The following PRDM16 variants were observed in gnomAD, a reference collection of about 807,000 sequenced individuals.
The protein encoded by PRDM16 is histone-lysine N-methyltransferase PRDM16.
A neutral mutation model predicts 110.6 loss-of-function variants in PRDM16; 23 were observed. The observed-to-expected ratio is 0.21, with a 90% confidence interval of 0.15 to 0.29. The LOEUF (loss-of-function observed/expected upper bound fraction) is 0.29. Ranked by LOEUF, PRDM16 falls within the 10% of genes least tolerant of loss-of-function variation. The pLI is 1.00. For synonymous variants in PRDM16, 799 were observed against 781.8 expected (o/e 1.02, Z -0.37); for missense variants, 1,615 against 1,794.3 (o/e 0.90, Z 1.81).
At chr1:3,317,710 C>T (rs534072963) in intron 3 of PRDM16, among the ~76,000 whole-genome samples, 1 of 152,354 alleles carries the variant, frequency 6.6e-6, no homozygotes, top group South Asian at 2.1e-4. Flanking sequence ...GGTGCCCCAG[C>T]CCGGAGCCTG....
intron 2 of PRDM16, among the ~76,000 whole-genome samples, chr1:3,242,037 C>G (rs1343929348): frequency 6.6e-6 from 1 of 152,206 alleles, no homozygotes; most frequent in East Asian, 1.9e-4. Flanking sequence ...TTGAATGGGC[C>G]GTGGCATGCA....
intron 1 of PRDM16, among the ~76,000 whole-genome samples, chr1:3,176,606 C>T (rs1316679763): frequency 6.7e-6 from 1 of 150,116 alleles, no homozygotes; most frequent in Non-Finnish European, 1.5e-5. Context: ...ATCCATCCAT[C>T]ATCCATTCAT....
In PRDM16 at chr1:3,431,960, G is replaced by A. The variant is rs776838729; in HGVS notation, c.3522-6G>A. On this transcript the variant is annotated splice_polypyrimidine_tract_variant and splice_region_variant and intron_variant, in intron 15 of 16. Transcript: ENST00000270722. ...AGGCCTTCCCTCTCCCCGGTCATTG[G>A]TGCAGGTGTGCTGAGGACCACGAAG... is the stretch of plus-strand genomic sequence containing the variant. 11 of 1,612,006 alleles carry A rather than the reference G, an allele frequency of 6.8e-6. No individual in the cohort carries two copies. Among genetic ancestry groups the A allele is most frequent in the Non-Finnish European group, 9.3e-6 (11 of 1,179,274 alleles).
intron 2 of PRDM16, among the ~76,000 whole-genome samples, chr1:3,195,787 A>G (rs1638459607): frequency 6.6e-6 from 1 of 152,216 alleles, no homozygotes; most frequent in African/African-American, 2.4e-5. Flanking sequence ...CTGTGAGAAC[A>G]GGGTGCTCCG....
intron 1 of PRDM16, among the ~76,000 whole-genome samples, chr1:3,117,572 C>G (rs765289386): frequency 1.3e-5 from 2 of 151,996 alleles, no homozygotes; most frequent in Non-Finnish European, 2.9e-5. Context: ...TTTCCTTCTG[C>G]TTGATTTGCC....
intron 3 of PRDM16, among the ~76,000 whole-genome samples, chr1:3,332,171 A>C (rs552817927): frequency 1.3e-5 from 2 of 152,348 alleles, no homozygotes; most frequent in Admixed American, 6.5e-5. Context: ...CAATGCGCTC[A>C]CCTCTTTCCA....
At chr1:3,429,097 C>T (rs1259521404) in intron 14 of PRDM16, among the ~76,000 whole-genome samples, 6 of 152,186 alleles carry the variant, frequency 3.9e-5, no homozygotes, top group African/African-American at 1.2e-4. Context: ...CCGGCAGCAG[C>T]GGGAGCTGGA....
At chr1:3,377,043 G>A (rs1020767507) in intron 3 of PRDM16, among the ~76,000 whole-genome samples, 2 of 152,208 alleles carry the variant, frequency 1.3e-5, no homozygotes, top group Admixed American at 6.5e-5. Context: ...TCGGCTACTC[G>A]TGGACACCAT....
At chr1:3,200,849 C>T (rs1638605704) in intron 2 of PRDM16, among the ~76,000 whole-genome samples, 1 of 152,078 alleles carries the variant, frequency 6.6e-6, no homozygotes, top group Admixed American at 6.5e-5. Flanking sequence ...GTGGACTCAG[C>T]ACAGAGCTTC....
At position 3,404,633 on chromosome 1, in the gene PRDM16, G is replaced by C. The variant is rs957909620; in HGVS notation, c.885-106G>C. 2.9e-6 allele frequency: 4 copies of C among 1,372,592 alleles called. No homozygotes were observed. The African/African-American group carries it at 5.8e-5, about 20-fold the overall frequency. The allele number at this position is 1,372,592 out of a possible 1,614,324, so 85.0% of individuals were successfully genotyped here. A position where few individuals can be genotyped will look rare whatever the true frequency, so the allele number is the denominator to read the frequency against. ...ATGTGCTCTGATCCCTCGGCAGCGT[G>C]GTGGGGGCTCCGAAGGGGCACTGGG... On this transcript the variant is annotated intron_variant, in intron 6 of 16. Transcript: ENST00000270722.
chr1:3,264,002 C>T (rs891194067), intron 3 of PRDM16, among the ~76,000 whole-genome samples: 3 of 152,082 alleles, frequency 2.0e-5, no homozygotes, highest in African/African-American at 4.8e-5. Context: ...AGGACTTTGC[C>T]CAAAGCTACT....
rs1484936667 is a variant in PRDM16, at chr1:3,316,447, A to G, written c.439-68705A>G. Among the ~76,000 whole-genome samples the G allele has an allele frequency of 3.3e-5, 5 of 152,350 alleles. 2 individuals are homozygous for G. The Middle Eastern group carries it at 0.014, about 415-fold the overall frequency. Reference sequence around the variant, plus strand: ...TGGGCACTTATGAAGTGCCAATGGTATACACTAAGTACTGGGAGGGATTCA... The same window carrying G: ...TGGGCACTTATGAAGTGCCAATGGTGTACACTAAGTACTGGGAGGGATTCA... On this transcript the variant is annotated intron_variant, in intron 3 of 16. Transcript: ENST00000270722.
intron 4 of PRDM16, 149 bp from the exon 5 acceptor site, chr1:3,396,342 T>C: frequency 1.4e-6 from 1 of 702,564 alleles, no homozygotes; most frequent in Non-Finnish European, 2.6e-6. Context: ...TCTGCAAAAG[T>C]TCCATAGTGG....
At chr1:3,380,544 G>A (rs1475292872) in intron 3 of PRDM16, among the ~76,000 whole-genome samples, 1 of 152,150 alleles carries the variant, frequency 6.6e-6, no homozygotes, top group Non-Finnish European at 1.5e-5. Context: ...ACCCCTGGGG[G>A]AGTTGTTGCC....
At chr1:3,321,153 G>C (rs1641731593) in intron 3 of PRDM16, among the ~76,000 whole-genome samples, 1 of 152,254 alleles carries the variant, frequency 6.6e-6, no homozygotes, top group Non-Finnish European at 1.5e-5. Context: ...GAAGTTGGGA[G>C]AGGGGAATCT....
chr1:3,094,363 T>G (rs1238751357), intron 1 of PRDM16, among the ~76,000 whole-genome samples: 4 of 152,204 alleles, frequency 2.6e-5, no homozygotes, highest in African/African-American at 7.2e-5. Context: ...TCGAGTTAAG[T>G]GCAGCCACAT....
chr1:3,235,499 C>T (rs1377473430), intron 2 of PRDM16, among the ~76,000 whole-genome samples: 2 of 152,134 alleles, frequency 1.3e-5, no homozygotes, highest in African/African-American at 4.8e-5. Flanking sequence ...CCCCTGTGCT[C>T]GGGGACAGGG....
At chr1:3,261,774 G>A (rs1004913642) in intron 3 of PRDM16, among the ~76,000 whole-genome samples, 1 of 152,066 alleles carries the variant, frequency 6.6e-6, no homozygotes, top group African/African-American at 2.4e-5. Flanking sequence ...AGCCTGCCCC[G>A]CCCTCCGTCC....
intron 1 of PRDM16, among the ~76,000 whole-genome samples, chr1:3,114,446 C>T (rs1256934816): frequency 7.2e-6 from 1 of 138,686 alleles, no homozygotes; most frequent in African/African-American, 3.2e-5. Context: ...AACAGACGCA[C>T]ACGCACACAC....
Sources: gnomAD v4.1 joint callset for allele counts (sites outside exome capture counted in the v4.1 genomes callset) on GRCh38, gnomAD v4.1.1 for gene constraint, MANE v1.5 for transcripts, NCBI Gene and HGNC (gene_info 2026-07-23, HGNC 2026-07-21) for gene names.